DNAJB14: variants seen among roughly 807,000 people sequenced by gnomAD.
DNAJB14 encodes DnaJ heat shock protein family (Hsp40) member B14.
DNAJB14 carries 22 observed loss-of-function variants against 48.4 expected under a neutral mutation model. The ratio of observed to expected loss-of-function variants is 0.45; its 90% confidence interval spans 0.32 to 0.65. The LOEUF is 0.65. Among genes scored for constraint, DNAJB14 ranks in the 30% least tolerant of loss-of-function variants. DNAJB14 has a pLI of 0.03. For synonymous variants in DNAJB14, 142 were observed against 158.7 expected, an observed-to-expected ratio of 0.89 and a Z score of 0.79; for missense variants, 319 against 458.8, an observed-to-expected ratio of 0.70 and a Z score of 2.78.
chr4:99,919,744 G>GATATATTAAT (rs1725988078), intron 3 of DNAJB14, among the ~76,000 whole-genome samples: 1 of 151,906 alleles, frequency 6.6e-6, no homozygotes. Flanking sequence ...TAATGTTTGG[G>GATATATTAAT]GTTTTCAGTT....
At chr4:99,940,294 C>T (rs1299762130) in intron 1 of DNAJB14, among the ~76,000 whole-genome samples, 2 of 152,148 alleles carry the variant, frequency 1.3e-5, no homozygotes, top group African/African-American at 4.8e-5. Context: ...ATGTTCAGCT[C>T]ATTAAAAAAC....
intron 1 of DNAJB14, among the ~76,000 whole-genome samples, chr4:99,932,211 C>A (rs1726500044): frequency 6.6e-6 from 1 of 151,450 alleles, no homozygotes; most frequent in South Asian, 2.1e-4. Context: ...ACTTCAAAGG[C>A]TATAATCAAC....
intron 2 of DNAJB14, chr4:99,929,714 G>A (rs1228664970): frequency 2.0e-5 from 3 of 152,146 alleles, no homozygotes; most frequent in African/African-American, 2.4e-5. Flanking sequence ...ACTTGAGTTA[G>A]TTCACTATAT....
intron 1 of DNAJB14, among the ~76,000 whole-genome samples, chr4:99,937,735 C>T (rs978026622): frequency 1.3e-5 from 2 of 151,628 alleles, no homozygotes; most frequent in African/African-American, 4.8e-5. Context: ...AAGGAACACA[C>T]GTCACTTCCA....
At chr4:99,937,480 T>A (rs1028755456) in intron 1 of DNAJB14, among the ~76,000 whole-genome samples, 1 of 152,122 alleles carries the variant, frequency 6.6e-6, no homozygotes, top group Non-Finnish European at 1.5e-5. Flanking sequence ...ATCCCAGCAC[T>A]TTGGGATGCC....
At chr4:99,912,929 AT>A (rs1212148832) in intron 3 of DNAJB14, among the ~76,000 whole-genome samples, 13 of 152,182 alleles carry the variant, frequency 8.5e-5, no homozygotes, top group African/African-American at 1.2e-4. Flanking sequence ...ACACCTAAGT[AT>A]TTTTTTGTAT....
chr4:99,923,678 G>A (rs1726143872), intron 2 of DNAJB14: 1 of 984,792 alleles, frequency 1.0e-6, no homozygotes, highest in African/African-American at 1.7e-5. Context: ...AACAACAGCA[G>A]TATTCTATGG....
rs2110196325 is a variant in DNAJB14, at chr4:99,908,794, C to A, written c.554G>T (p.Arg185Ile). ...TTCACAACCTCTATGGAAATTAAAT[C>A]TGCCATTGTTTTGGTGGTTACATGC... Reference protein sequence around the residue: ...EQACNHQNNGRFNFHRGCEAD... With the variant: ...EQACNHQNNGIFNFHRGCEAD... Residue 185 changes from arginine to isoleucine, a missense_variant, in exon 4 of 8, where the codon AGA becomes ATA. Transcript: ENST00000442697. 6.8e-6 allele frequency: 11 copies of A among 1,612,398 alleles called. No individual in the cohort carries two copies. The highest frequency in any genetic ancestry group is 9.3e-6 in the Non-Finnish European group (11 of 1,179,078).
At position 99,905,615 on chromosome 4, in the gene DNAJB14, TAAG is replaced by T; in HGVS notation, c.821_823del (p.Pro274_Tyr275delinsHis). ...TACTTACGATCTGGGATATAAGGAA[TAAG>T]GAGGATTAGAGACCATCAACTGGCT... On this transcript the variant is annotated inframe_deletion, in exon 6 of 8. Transcript: ENST00000442697. The T allele has an allele frequency of 6.2e-7, 1 of 1,610,834 alleles. No homozygotes were observed. Among genetic ancestry groups the T allele is most frequent in the Non-Finnish European group, 8.5e-7 (1 of 1,178,916 alleles).
Position 99,899,995 on chromosome 4 carries a change from G to A in DNAJB14, c.*1033C>T, listed in dbSNP as rs1036769855. On this transcript the variant is annotated 3_prime_UTR_variant, in exon 8 of 8. Transcript: ENST00000442697. Reference sequence around the variant, plus strand: ...GGCCAAACAGATCATGCTCTGATCAGATAAGTATACTGTAATCTACTTATA... The same window carrying A: ...GGCCAAACAGATCATGCTCTGATCAAATAAGTATACTGTAATCTACTTATA... 6.6e-6 allele frequency: 1 copy of A among 152,328 alleles called. No individual in the cohort carries two copies. Among genetic ancestry groups the A allele is most frequent in the Non-Finnish European group, 1.5e-5 (1 of 67,842 alleles). 9.4% of individuals were successfully genotyped at this position (152,328 alleles called of 1,614,324 possible).
At chr4:99,921,881 T>C (rs1726075203) in intron 3 of DNAJB14, among the ~76,000 whole-genome samples, 1 of 152,202 alleles carries the variant, frequency 6.6e-6, no homozygotes, top group South Asian at 2.1e-4. Flanking sequence ...ATCTGTGTTT[T>C]TTTAAAATGA....
In DNAJB14 at chr4:99,905,725, G is replaced by T; in HGVS notation, c.733-19C>A. ...AACCTCCCTATAAAAAATGATCAAA[G>T]AATAACAAATTGTAATATAACTGTA... On this transcript the variant is annotated intron_variant, in intron 5 of 7. Transcript: ENST00000442697. 1 of 1,600,194 alleles carries T rather than the reference G, an allele frequency of 6.2e-7. No homozygotes were observed. The highest frequency in any genetic ancestry group is 8.6e-7 in the Non-Finnish European group (1 of 1,168,762).
In DNAJB14 at chr4:99,901,009, T is replaced by C. The variant is rs750447910; in HGVS notation, c.*19A>G. On this transcript the variant is annotated 3_prime_UTR_variant, in exon 8 of 8. Transcript: ENST00000442697. ...AAAAAATAAAGAGTACGCTAAAAGG[T>C]ATAAATAAAAATTCCAGTTCATCCT... 1.2e-6 allele frequency: 2 copies of C among 1,600,510 alleles called. No homozygotes were observed. Among genetic ancestry groups the C allele is most frequent in the East Asian group, 4.5e-5 (2 of 44,718 alleles).
At chr4:99,940,172 T>C (rs1242812931) in intron 1 of DNAJB14, among the ~76,000 whole-genome samples, 2 of 152,236 alleles carry the variant, frequency 1.3e-5, no homozygotes, top group African/African-American at 4.8e-5. Context: ...TCCTATATAA[T>C]GTCCACCATT....
rs1481845846 is a variant in DNAJB14 at position 99,903,818 on chromosome 4, T to A, written c.923A>T (p.Tyr308Phe). 1.2e-6 allele frequency: 2 copies of A among 1,613,046 alleles called. No homozygotes were observed. The change falls in exon 7 of 8, where the codon TAT becomes TTT. Residue 308 changes from tyrosine (Y) to phenylalanine (F), a missense_variant. By Grantham distance (22) the Tyr-to-Phe change is conservative. Coordinates refer to ENST00000442697, the MANE Select transcript of DNAJB14 (RefSeq NM_001031723.4). ...TACCTTTTGTAATAACATTCCTTTATATTCATTTTTGAAGTCCTTGTTGAC... is the reference window on the plus strand; with the variant it reads ...TACCTTTTGTAATAACATTCCTTTAAATTCATTTTTGAAGTCCTTGTTGAC... ...YYVNKDFKNE[Y>F]KGMLLQKVEK...
At chr4:99,934,198 G>A (rs1472138978) in intron 1 of DNAJB14, among the ~76,000 whole-genome samples, 1 of 152,116 alleles carries the variant, frequency 6.6e-6, no homozygotes, top group East Asian at 1.9e-4. Flanking sequence ...AGTAGGGAAG[G>A]ATAAAGGAAT....
At chr4:99,912,919 AC>A (rs1189146915) in intron 3 of DNAJB14, among the ~76,000 whole-genome samples, 1 of 152,242 alleles carries the variant, frequency 6.6e-6, no homozygotes, top group Non-Finnish European at 1.5e-5. Flanking sequence ...TATTAAACTT[AC>A]ACCTAAGTAT....
chr4:99,943,562 A>T (rs1467408424), intron 1 of DNAJB14, among the ~76,000 whole-genome samples: 1 of 152,168 alleles, frequency 6.6e-6, no homozygotes, highest in Non-Finnish European at 1.5e-5. Flanking sequence ...ACCTGTATTA[A>T]CCCATTTAAT....
At position 99,946,463 on chromosome 4, in the gene DNAJB14, G is replaced by C; in HGVS notation, c.109C>G (p.Leu37Val). The change falls in exon 1 of 8, where the codon CTC becomes GTC. Residue 37 changes from leucine (L) to valine (V), a missense_variant. Coordinates refer to ENST00000442697, the MANE Select transcript of DNAJB14 (RefSeq NM_001031723.4). ...CCGCGGGCCGAGGGCAGTGGGTAGA[G>C]CTTCTCGGCCTTCTGCAGGAAGCGC... ...AQRFLQKAEK[L>V]YPLPSARALL... 6.2e-7 allele frequency: 1 copy of C among 1,613,348 alleles called. No individual in the cohort carries two copies. Among genetic ancestry groups the C allele is most frequent in the Non-Finnish European group, 8.5e-7 (1 of 1,179,596 alleles).
Sources: allele counts gnomAD v4.1 joint callset (sites outside exome capture counted in the v4.1 genomes callset), GRCh38; gene constraint gnomAD v4.1.1; transcripts MANE v1.5; gene names NCBI Gene and HGNC (gene_info 2026-07-23, HGNC 2026-07-21).